Variants in TGFBR1 observed in about 807,000 individuals in gnomAD.
TGFBR1 encodes TGF-beta receptor type-1.
A neutral mutation model predicts 55.1 loss-of-function variants in TGFBR1; 20 were observed. The ratio of observed to expected loss-of-function variants is 0.36; its 90% CI spans 0.26 to 0.53. The LOEUF is 0.53. Among genes scored for constraint, TGFBR1 ranks in the 20% least tolerant of loss-of-function variants. The pLI, the probability that TGFBR1 is intolerant of heterozygous loss-of-function variation, is 0.91. For synonymous variants in TGFBR1, 220 were observed against 214.8 expected, an observed-to-expected ratio of 1.02 and a Z score of -0.21; for missense variants, 385 against 617.6, an observed-to-expected ratio of 0.62 and a Z score of 3.99.
Position 99,105,255 on chromosome 9 carries a change from T to TGGCGGCGGC in TGFBR1, c.70_78dup (p.Ala24_Ala26dup), listed in dbSNP as rs11466445. The TGGCGGCGGC allele has an allele frequency of 6.1e-5, 64 of 1,043,394 alleles. No homozygotes were observed. Among genetic ancestry groups the TGGCGGCGGC allele is most frequent in the South Asian group, 8.8e-5 (2 of 22,674 alleles). The allele number at this position is 1,043,394 out of a possible 1,614,324, so 64.6% of individuals were successfully genotyped here. A position where few individuals can be genotyped will look rare whatever the true frequency, so the allele number is the denominator to read the frequency against. ...CGTCCCCGGCTGCTCCTCCTCGTGC[T>TGGCGGCGGC]GGCGGCGGCGGCGGCGGCGGCGGCG... On this transcript the variant is annotated inframe_insertion, in exon 1 of 9. Transcript: ENST00000374994.
In TGFBR1 at chr9:99,149,245, A is replaced by T; in HGVS notation, c.1452A>T (p.Thr484=). The T allele has an allele frequency of 6.2e-7, 1 of 1,613,934 alleles. No homozygotes were observed. The highest frequency in any genetic ancestry group is 8.5e-7 in the Non-Finnish European group (1 of 1,179,876). The change falls in exon 9 of 9, where the codon ACA becomes ACT. Residue 484 remains threonine, a synonymous_variant. Coordinates refer to ENST00000374994, the MANE Select transcript of TGFBR1 (RefSeq NM_004612.4). ...CWYANGAARL[T]ALRIKKTLSQ... is the part of the protein sequence containing the mutation. ...ATGCCAATGGAGCAGCTAGGCTTAC[A>T]GCATTGCGGATTAAGAAAACATTAT...
chr9:99,120,058 T>C (rs1395058459), intron 1 of TGFBR1, among the ~76,000 whole-genome samples: 2 of 152,240 alleles, frequency 1.3e-5, no homozygotes, highest in African/African-American at 4.8e-5. Flanking sequence ...CTAAGTATTC[T>C]ATGTATGTTA....
At chr9:99,104,470 T>C (rs1826340560), upstream of TGFBR1, among the ~76,000 whole-genome samples, 1 of 151,432 alleles carries the variant, frequency 6.6e-6, no homozygotes, top group African/African-American at 2.4e-5. Context: ...TGGAACTGGG[T>C]GGGGGAGCTG....
At position 99,152,149 on chromosome 9, in the gene TGFBR1, C is replaced by G. The variant is rs199594054; in HGVS notation, c.*2844C>G. 2.4e-5 allele frequency: 5 copies of G among 207,664 alleles called. No individual in the cohort carries two copies. The highest frequency in any genetic ancestry group is 1.1e-4 in the African/African-American group (5 of 43,902). The allele number at this position is 207,664 out of a possible 1,614,324, so 12.9% of individuals were successfully genotyped here. On this transcript the variant is annotated 3_prime_UTR_variant, in exon 9 of 9. Coordinates refer to ENST00000374994, the MANE Select transcript of TGFBR1 (RefSeq NM_004612.4). The stretch of plus-strand genomic sequence containing the variant: ...TTTGACTGAAGGCTGCTCTGGAGAC[C>G]TAGAGTAAAACGGCTGATGGAAGTT...
chr9:99,106,713 A>T (rs1351234971), intron 1 of TGFBR1, among the ~76,000 whole-genome samples: 2 of 152,140 alleles, frequency 1.3e-5, no homozygotes, highest in Admixed American at 6.5e-5. Flanking sequence ...TATATATATA[A>T]ATATGTATAC....
intron 1 of TGFBR1, among the ~76,000 whole-genome samples, chr9:99,111,368 C>A (rs542829683): frequency 3.5e-4 from 50 of 141,412 alleles, no homozygotes; most frequent in Non-Finnish European, 6.8e-4. Context: ...GTAGCTCACA[C>A]CTGTAATCCC....
At chr9:99,108,163 T>C (rs1826467494) in intron 1 of TGFBR1, among the ~76,000 whole-genome samples, 1 of 152,244 alleles carries the variant, frequency 6.6e-6, no homozygotes, top group African/African-American at 2.4e-5. Flanking sequence ...TTTATGTAAG[T>C]CCAGTTTATG....
At chr9:99,120,821 T>G (rs1826876274) in intron 1 of TGFBR1, among the ~76,000 whole-genome samples, 1 of 152,234 alleles carries the variant, frequency 6.6e-6, no homozygotes, top group Non-Finnish European at 1.5e-5. Flanking sequence ...GTTAAACTCC[T>G]CAGATCTGCT....
intron 6 of TGFBR1, 150 bp downstream of exon 6, chr9:99,145,038 C>G (rs1827748463): frequency 1.1e-6 from 1 of 920,596 alleles, no homozygotes; most frequent in South Asian, 1.6e-5. Flanking sequence ...CTTGCCTGCT[C>G]TGAAGCCAGA....
intron 1 of TGFBR1, among the ~76,000 whole-genome samples, chr9:99,107,131 A>G (rs138339481): frequency 2.1e-4 from 32 of 152,374 alleles, no homozygotes; most frequent in Non-Finnish European, 3.7e-4. Flanking sequence ...AGGAGTTTAC[A>G]GTCTCCATGG....
intron 6 of TGFBR1, among the ~76,000 whole-genome samples, chr9:99,145,657 G>C (rs2118816884): frequency 6.6e-6 from 1 of 152,264 alleles, no homozygotes; most frequent in Admixed American, 6.5e-5. Context: ...AAACCACCTT[G>C]AGGAGGTTAA....
intron 1 of TGFBR1, among the ~76,000 whole-genome samples, chr9:99,114,701 A>G (rs778511529): frequency 3.3e-5 from 5 of 152,262 alleles, no homozygotes; most frequent in Admixed American, 6.5e-5. Context: ...AGGATAATGA[A>G]TAGAGAGCAA....
chr9:99,129,796 TG>T (rs1296844248), intron 2 of TGFBR1, among the ~76,000 whole-genome samples: 1 of 151,980 alleles, frequency 6.6e-6, no homozygotes, highest in Non-Finnish European at 1.5e-5. Context: ...CCTACTTGGG[TG>T]GCTGAGGCAC....
At chr9:99,106,652 T>C (rs1471888069) in intron 1 of TGFBR1, among the ~76,000 whole-genome samples, 2 of 152,236 alleles carry the variant, frequency 1.3e-5, no homozygotes, top group African/African-American at 2.4e-5. Flanking sequence ...ACTTAAGTGC[T>C]AAAGCTAGGA....
chr9:99,116,403 G>A (rs1826740740), intron 1 of TGFBR1, among the ~76,000 whole-genome samples: 1 of 152,194 alleles, frequency 6.6e-6, no homozygotes, highest in African/African-American at 2.4e-5. Flanking sequence ...TGAGGAAATA[G>A]CGTAGTTGCC....
rs1329974247 is a variant in TGFBR1, at chr9:99,138,015, G to A, written c.731G>A (p.Arg244His). 1 of 1,613,946 alleles carries A rather than the reference G, an allele frequency of 6.2e-7. No individual in the cohort carries two copies. The highest frequency in any genetic ancestry group is 1.7e-5 in the Admixed American group (1 of 59,998). Residue 244 changes from arginine (R) to histidine (H), a missense_variant, in exon 4 of 9, where the codon CGT becomes CAT. By Grantham distance (29) the Arg-to-His change is conservative. Coordinates refer to ENST00000374994, the MANE Select transcript of TGFBR1 (RefSeq NM_004612.4). ...TCTAGAGAAGAACGTTCGTGGTTCC[G>A]TGAGGCAGAGATTTATCAAACTGTA... The part of the protein sequence containing the change: ...FSSREERSWF[R>H]EAEIYQTVML...
At chr9:99,128,352 G>A (rs775547439) in intron 1 of TGFBR1, among the ~76,000 whole-genome samples, 2 of 151,702 alleles carry the variant, frequency 1.3e-5, no homozygotes, top group Non-Finnish European at 1.5e-5. Flanking sequence ...GTACAAATCT[G>A]TTTCCGTTAC....
intron 1 of TGFBR1, among the ~76,000 whole-genome samples, chr9:99,121,207 AAATT>A (rs1425702931): frequency 4.6e-5 from 7 of 152,172 alleles, no homozygotes; most frequent in African/African-American, 1.4e-4. Context: ...GACTAGAGGA[AAATT>A]TTATGTACAT....
upstream of TGFBR1, chr9:99,105,082 C>A: frequency 1.4e-6 from 1 of 707,042 alleles, no homozygotes; most frequent in Non-Finnish European, 1.8e-6. Context: ...GTCCTCCGAG[C>A]AGTTACAAAG....
Sources: gnomAD v4.1 joint callset for allele counts (sites outside exome capture counted in the v4.1 genomes callset) on GRCh38, gnomAD v4.1.1 for gene constraint, MANE v1.5 for transcripts, NCBI Gene and HGNC (gene_info 2026-07-23, HGNC 2026-07-21) for gene names.